Variants in CEP170 observed in about 807,000 individuals in gnomAD.
The protein encoded by CEP170 is centrosomal protein 170, also known as centrosomal protein of 170 kDa.
CEP170 carries 21 observed loss-of-function variants against 151.9 expected under a neutral mutation model. The observed-to-expected ratio is 0.14, with a 90% CI of 0.10 to 0.20. CEP170 has a LOEUF of 0.20. Ranked by LOEUF, CEP170 falls within the 10% of genes least tolerant of loss-of-function variation. The pLI is 1.00. For synonymous variants in CEP170, 356 were observed against 648.8 expected (o/e 0.55, Z 6.86); for missense variants, 964 against 1,892.9 (o/e 0.51, Z 9.11).
intron 10 of CEP170, among the ~76,000 whole-genome samples, chr1:243,180,892 G>A (rs527772872): frequency 3.3e-4 from 50 of 152,286 alleles, no homozygotes; most frequent in Middle Eastern, 3.4e-3. Context: ...AAGAAAAGAC[G>A]CTAGTAAGAG....
intron 8 of CEP170, among the ~76,000 whole-genome samples, chr1:243,187,615 A>G (rs960629729): frequency 9.8e-5 from 15 of 152,326 alleles, no homozygotes; most frequent in African/African-American, 3.6e-4. Context: ...ATAATATGGT[A>G]CCAAACAAAA....
intron 1 of CEP170, among the ~76,000 whole-genome samples, chr1:243,242,265 C>T (rs1028978845): frequency 6.6e-6 from 1 of 152,164 alleles, no homozygotes; most frequent in Non-Finnish European, 1.5e-5. Flanking sequence ...GTCGCCCAGG[C>T]TGGAGTGCAG....
intron 1 of CEP170, among the ~76,000 whole-genome samples, chr1:243,240,716 G>A (rs2149123243): frequency 6.6e-6 from 1 of 151,380 alleles, no homozygotes; most frequent in East Asian, 1.9e-4. Context: ...TTTTGAGACA[G>A]AGTTTTTGCT....
At chr1:243,222,208 CAA>C (rs986708286) in intron 2 of CEP170, among the ~76,000 whole-genome samples, 6 of 151,932 alleles carry the variant, frequency 3.9e-5, no homozygotes, top group African/African-American at 9.6e-5. Flanking sequence ...TCTTTCAAAA[CAA>C]AAAATGAGCA....
intron 2 of CEP170, among the ~76,000 whole-genome samples, chr1:243,224,450 C>G (rs2063067852): frequency 6.8e-6 from 1 of 147,154 alleles, no homozygotes; most frequent in African/African-American, 2.6e-5. Context: ...AGCTGATGAA[C>G]TAAAAAAAAA....
At chr1:243,209,749 G>A (rs1244701376) in intron 4 of CEP170, among the ~76,000 whole-genome samples, 1 of 151,310 alleles carries the variant, frequency 6.6e-6, no homozygotes, top group East Asian at 1.9e-4. Flanking sequence ...GCACGATCTC[G>A]GCTCACTGCA....
At chr1:243,174,980 C>A (rs558001410) in intron 10 of CEP170, 30 of 152,302 alleles carry the variant, frequency 2.0e-4, no homozygotes, top group African/African-American at 7.0e-4. Context: ...TAACAAAAAT[C>A]TAACTCAGGT....
intron 13 of CEP170, among the ~76,000 whole-genome samples, chr1:243,163,564 T>C (rs1326436289): frequency 1.3e-5 from 2 of 152,234 alleles, no homozygotes; most frequent in African/African-American, 4.8e-5. Context: ...TACACCTAAT[T>C]ACTAGAGTTA....
At chr1:243,234,826 G>A (rs1340930220) in intron 1 of CEP170, among the ~76,000 whole-genome samples, 3 of 152,144 alleles carry the variant, frequency 2.0e-5, no homozygotes, top group African/African-American at 7.2e-5. Context: ...TCAGGATCAA[G>A]TAAAATGCAA....
At chr1:243,230,316 A>T (rs1216077287) in intron 1 of CEP170, among the ~76,000 whole-genome samples, 1 of 152,022 alleles carries the variant, frequency 6.6e-6, no homozygotes, top group East Asian at 1.9e-4. Flanking sequence ...AAATGAATAA[A>T]TAAAAATAAG....
At position 243,126,426 on chromosome 1, in the gene CEP170, A is replaced by T; in HGVS notation, c.*23T>A. 6.3e-7 allele frequency: 1 copy of T among 1,590,296 alleles called. No homozygotes were observed. Among genetic ancestry groups the T allele is most frequent in the Non-Finnish European group, 8.6e-7 (1 of 1,166,014 alleles). Reference sequence around the variant, plus strand: ...ATTCCTAGCCATTCCACAGGTAATGATTTTTCAACAATCAAGAGAAAGTCA... The same window carrying T: ...ATTCCTAGCCATTCCACAGGTAATGTTTTTTCAACAATCAAGAGAAAGTCA... On this transcript the variant is annotated 3_prime_UTR_variant, in exon 20 of 20. Coordinates refer to ENST00000366542, the MANE Select transcript of CEP170 (RefSeq NM_014812.3).
At chr1:243,218,987 A>G (rs1311328761) in intron 3 of CEP170, among the ~76,000 whole-genome samples, 1 of 152,194 alleles carries the variant, frequency 6.6e-6, no homozygotes, top group Non-Finnish European at 1.5e-5. Context: ...AATAATATGG[A>G]TAATAAGAGT....
In CEP170 at chr1:243,152,520, C is replaced by CTTTTTT. The variant is rs1558429307; in HGVS notation, c.3911+3700_3911+3701insAAAAAA. ...CCAGGCGTGAGCCACCGCGCCCAGC[C>CTTTTTT]ATTTTTTTTTTTTTTTTTTTTTTTT... On this transcript the variant is annotated intron_variant, in intron 14 of 19. Transcript: ENST00000366542. Among the ~76,000 whole-genome samples, 44 of 63,480 alleles carry CTTTTTT rather than the reference C, an allele frequency of 6.9e-4. 1 individual carries two copies. Among genetic ancestry groups the CTTTTTT allele is most frequent in the Admixed American group, 4.4e-4 (2 of 4,580 alleles). The allele number at this position is 63,480 out of a possible 152,430, so 41.6% of individuals were successfully genotyped here. A position where few individuals can be genotyped will look rare whatever the true frequency, so the allele number is the denominator to read the frequency against.
intron 11 of CEP170, among the ~76,000 whole-genome samples, chr1:243,171,545 G>A (rs1156786134): frequency 6.6e-6 from 1 of 151,748 alleles, no homozygotes; most frequent in Admixed American, 6.6e-5. Context: ...TTTCCTGAGA[G>A]ACAATATAGC....
At chr1:243,201,037 G>T (rs1200948306) in intron 4 of CEP170, among the ~76,000 whole-genome samples, 2 of 151,910 alleles carry the variant, frequency 1.3e-5, no homozygotes, top group African/African-American at 4.8e-5. Context: ...TTAAGATCCA[G>T]CAAGTTTTCT....
At chr1:243,230,540 T>C (rs10803128) in intron 1 of CEP170, among the ~76,000 whole-genome samples, 62,879 of 151,838 alleles carry the variant, frequency 0.41, 15,079 homozygotes, top group East Asian at 0.66. Flanking sequence ...AATGAGAATA[T>C]CAGTAGGAAG....
intron 13 of CEP170, among the ~76,000 whole-genome samples, chr1:243,162,693 G>A (rs1372005754): frequency 6.6e-6 from 1 of 152,040 alleles, no homozygotes; most frequent in Non-Finnish European, 1.5e-5. Flanking sequence ...TGTGTTAAGA[G>A]GTACTCCAAG....
chr1:243,165,517 T>C lies in CEP170; in HGVS notation c.2443A>G (p.Ile815Val). 6.2e-7 allele frequency: 1 copy of C among 1,609,912 alleles called. No individual in the cohort carries two copies. Among genetic ancestry groups the C allele is most frequent in the Non-Finnish European group, 8.5e-7 (1 of 1,177,990 alleles). ...CCCTTTGGAGTCTGACTTTTCAGAATTTCCTCAGCTTTTCTTCTCTTGCTC... is the reference window on the plus strand; with the variant it reads ...CCCTTTGGAGTCTGACTTTTCAGAACTTCCTCAGCTTTTCTTCTCTTGCTC... The part of the protein sequence containing the change: ...SESKRRKAEE[I>V]LKSQTPKGGD... The change falls in exon 13 of 20, where the codon ATT (isoleucine) becomes GTT (valine). Residue 815 changes from isoleucine (I) to valine (V), a missense_variant. Ile to Val is a conservative substitution (Grantham distance 29). Coordinates refer to ENST00000366542, the MANE Select transcript of CEP170 (RefSeq NM_014812.3).
intron 16 of CEP170, among the ~76,000 whole-genome samples, chr1:243,138,822 T>C (rs1253476935): frequency 6.6e-6 from 1 of 152,202 alleles, no homozygotes; most frequent in Non-Finnish European, 1.5e-5. Context: ...TTCTTGTACA[T>C]ATACTAGCAA....
Sources: gnomAD v4.1 joint callset for allele counts (sites outside exome capture counted in the v4.1 genomes callset) on GRCh38, gnomAD v4.1.1 for gene constraint, MANE v1.5 for transcripts, NCBI Gene and HGNC (gene_info 2026-07-23, HGNC 2026-07-21) for gene names.